The following ANAPC4 variants were observed in gnomAD, a reference collection of about 807,000 sequenced individuals.
ANAPC4 encodes the protein anaphase-promoting complex subunit 4.
ANAPC4 carries 63 observed loss-of-function variants against 119.8 expected under a neutral mutation model. The ratio of observed to expected loss-of-function variants is 0.53; its 90% CI spans 0.43 to 0.65. ANAPC4 has a LOEUF of 0.65. Among genes scored for constraint, ANAPC4 ranks in the 30% least tolerant of loss-of-function variants. The probability of loss-of-function intolerance (pLI) is 0.00; values close to 1 mark genes in which losing one functional copy is unlikely to be tolerated. For synonymous variants in ANAPC4, 283 were observed against 318.6 expected (o/e 0.89, Z 1.19); for missense variants, 716 against 945.1 (o/e 0.76, Z 3.18).
intron 9 of ANAPC4, 135 bp downstream of exon 9, chr4:25,391,150 C>A: frequency 1.6e-6 from 1 of 614,370 alleles, no homozygotes; most frequent in South Asian, 2.2e-5. Flanking sequence ...ATTTCTACAT[C>A]CTAATATACT....
At chr4:25,416,188 T>C in intron 26 of ANAPC4, 1 of 313,168 alleles carries the variant, frequency 3.2e-6, no homozygotes. Flanking sequence ...CTGAAACAAC[T>C]TCACAGATTT....
At chr4:25,397,050 C>A in intron 16 of ANAPC4, 151 bp downstream of exon 16, 1 of 741,000 alleles carries the variant, frequency 1.3e-6, no homozygotes, top group Non-Finnish European at 2.1e-6. Context: ...AAGCCAGCAG[C>A]ACAGAGAATT....
chr4:25,391,092 C>A, intron 9 of ANAPC4, 77 bp downstream of exon 9: 2 of 1,095,282 alleles, frequency 1.8e-6, no homozygotes, highest in Non-Finnish European at 2.7e-6. Context: ...ATCCACATCT[C>A]ACTGTATTGT....
At position 25,418,174 on chromosome 4, in the gene ANAPC4, A is replaced by G. The variant is rs1343214608; in HGVS notation, c.2219A>G (p.His740Arg). The G allele has an allele frequency of 6.2e-7, 1 of 1,613,120 alleles. No individual in the cohort carries two copies. ...VSCVLSSNLRHVRVFEMDIDD... is the reference protein window; with the variant it reads ...VSCVLSSNLRRVRVFEMDIDD... The stretch of plus-strand genomic sequence containing the variant: ...TTTTAGTTAAGCTCAAATCTTCGTC[A>G]TGTGAGAGTATTTGAAATGGACATA... The change falls in exon 29 of 29, where the codon CAT (histidine) becomes CGT (arginine). Residue 740 changes from histidine (H) to arginine (R), a missense_variant. Around this residue, in one of 3 missense-constraint regions of ANAPC4, gnomAD observed 504 missense variants for 615.8 expected, o/e 0.82. Transcript: ENST00000315368.
At chr4:25,378,364 C>T (rs1721524492) in intron 2 of ANAPC4, among the ~76,000 whole-genome samples, 1 of 152,134 alleles carries the variant, frequency 6.6e-6, no homozygotes, top group African/African-American at 2.4e-5. Context: ...ATCTTAGCAC[C>T]CTGCAGACTG....
In ANAPC4 at chr4:25,383,410, AT is replaced by A. The variant is rs1721856000; in HGVS notation, c.368+18del. On this transcript the variant is annotated intron_variant, in intron 4 of 28. Coordinates refer to ENST00000315368, the MANE Select transcript of ANAPC4 (RefSeq NM_013367.3). ...AGAAAGCAGGTAATTAGAAAAACTT[AT>A]GTAGTCATAGGGTATTCATGAGATT... 6.3e-7 allele frequency: 1 copy of A among 1,596,692 alleles called. No individual in the cohort carries two copies. Among genetic ancestry groups the A allele is most frequent in the African/African-American group, 1.4e-5 (1 of 73,796 alleles).
At position 25,416,467 on chromosome 4, in the gene ANAPC4, T is replaced by C. The variant is rs747506585; in HGVS notation, c.1944T>C (p.Thr648=). ...CLDAQFYDDE[T]VTVVLKDTVG... Reference sequence around the variant, plus strand: ...ATGCACAGTTTTATGATGATGAAACTGTAACAGTAGTTCTTAAAGACACTG... The same window carrying C: ...ATGCACAGTTTTATGATGATGAAACCGTAACAGTAGTTCTTAAAGACACTG... Residue 648 remains threonine, a synonymous_variant, in exon 27 of 29, where the codon ACT becomes ACC. Transcript: ENST00000315368. 1.2e-4 allele frequency: 196 copies of C among 1,590,376 alleles called. 2 individuals carry two copies. The highest frequency in any genetic ancestry group is 3.1e-4 in the South Asian group (27 of 86,864).
chr4:25,415,274 A>G, intron 25 of ANAPC4, 192 bp from the exon 26 acceptor site: 1 of 449,692 alleles, frequency 2.2e-6, no homozygotes, highest in Admixed American at 4.1e-5. Context: ...GGTTATTTCT[A>G]TTCCAAATGT....
At chr4:25,399,876 A>G (rs1013065030) in intron 16 of ANAPC4, among the ~76,000 whole-genome samples, 2 of 152,220 alleles carry the variant, frequency 1.3e-5, no homozygotes, top group South Asian at 4.1e-4. Flanking sequence ...GAACTAGCAA[A>G]GGAAATGGGA....
chr4:25,386,204 C>A (rs1032820355), intron 4 of ANAPC4, among the ~76,000 whole-genome samples: 1 of 151,802 alleles, frequency 6.6e-6, no homozygotes, highest in Non-Finnish European at 1.5e-5. Flanking sequence ...TAAGCCTCAG[C>A]GCCTGGCCTT....
At chr4:25,379,386 G>A (rs976112295) in intron 2 of ANAPC4, among the ~76,000 whole-genome samples, 2 of 152,156 alleles carry the variant, frequency 1.3e-5, no homozygotes, top group African/African-American at 4.8e-5. Flanking sequence ...CAATTAAGAC[G>A]GATAGCGAGT....
intron 2 of ANAPC4, among the ~76,000 whole-genome samples, chr4:25,379,766 G>A (rs1721612312): frequency 6.6e-6 from 1 of 152,130 alleles, no homozygotes; most frequent in Admixed American, 6.5e-5. Context: ...GATAAGGCAG[G>A]GTCATGGTGG....
At chr4:25,389,321 T>C (rs1722213300) in intron 7 of ANAPC4, among the ~76,000 whole-genome samples, 1 of 152,018 alleles carries the variant, frequency 6.6e-6, no homozygotes, top group Non-Finnish European at 1.5e-5. Flanking sequence ...ACCAGGCCTG[T>C]CTAATTTTTT....
chr4:25,416,584 G>T lies in ANAPC4; in HGVS notation c.2061G>T (p.Gly687=). The part of the protein sequence containing the change: ...SEDSAEYQFT[G]TYSTRLDEQC... The stretch of plus-strand genomic sequence containing the variant: ...ATTCTGCAGAATATCAGTTCACTGG[G>T]ACTTATTCTACAAGGTAACTAGTAA... Residue 687 remains glycine, a synonymous_variant, in exon 27 of 29, where the codon GGG becomes GGT. Transcript: ENST00000315368. 1 of 1,540,456 alleles carries T rather than the reference G, an allele frequency of 6.5e-7. No individual in the cohort carries two copies. Among genetic ancestry groups the T allele is most frequent in the Non-Finnish European group, 8.8e-7 (1 of 1,134,472 alleles).
At chr4:25,385,315 TAATA>T (rs764037395) in intron 4 of ANAPC4, among the ~76,000 whole-genome samples, 20 of 152,244 alleles carry the variant, frequency 1.3e-4, no homozygotes, top group Non-Finnish European at 2.8e-4. Context: ...ATATATGTTT[TAATA>T]AATAAATAGA....
chr4:25,398,809 T>G (rs1360021378), intron 16 of ANAPC4, among the ~76,000 whole-genome samples: 1 of 152,104 alleles, frequency 6.6e-6, no homozygotes, highest in African/African-American at 2.4e-5. Context: ...TTCTCAATGC[T>G]TATCTGTAGA....
intron 11 of ANAPC4, 91 bp downstream of exon 11, chr4:25,393,982 C>A: frequency 1.9e-6 from 2 of 1,037,244 alleles, no homozygotes; most frequent in Admixed American, 2.8e-5. Flanking sequence ...CAGTTTGATT[C>A]ATAAAAGGCT....
intron 16 of ANAPC4, among the ~76,000 whole-genome samples, chr4:25,400,767 G>T (rs956065584): frequency 1.1e-4 from 17 of 152,172 alleles, no homozygotes; most frequent in African/African-American, 3.9e-4. Context: ...AGGAAGTGAG[G>T]ACATGTAGGG....
chr4:25,401,193 T>A (rs916220034), intron 16 of ANAPC4, among the ~76,000 whole-genome samples: 3 of 152,194 alleles, frequency 2.0e-5, no homozygotes, highest in Non-Finnish European at 4.4e-5. Context: ...TCTGTTTATC[T>A]TAGTCTCTCC....
Sources: allele counts gnomAD v4.1 joint callset (sites outside exome capture counted in the v4.1 genomes callset), GRCh38; gene constraint gnomAD v4.1.1; regional missense constraint gnomAD v4.1.1; transcripts MANE v1.5; gene names NCBI Gene and HGNC (gene_info 2026-07-23, HGNC 2026-07-21).